ZNF728: variants seen among roughly 807,000 people sequenced by gnomAD.
ZNF728 encodes the protein zinc finger protein 728.
A neutral mutation model predicts 12.5 loss-of-function variants in ZNF728; 12 were observed. The observed-to-expected ratio is 0.96, with a 90% CI of 0.61 to 1.55. The LOEUF is 1.55. ZNF728 is among the 40% of genes most tolerant of loss of function. The probability of loss-of-function intolerance (pLI) is 0.00; values close to 1 mark genes in which losing one functional copy is unlikely to be tolerated. For synonymous variants in ZNF728, 205 were observed against 240.7 expected (o/e 0.85, Z 1.37); for missense variants, 692 against 719.2 (o/e 0.96, Z 0.43).
intron 3 of ZNF728, among the ~76,000 whole-genome samples, 173 bp from the exon 4 acceptor site, chr19:22,977,283 A>G (rs1968817449): frequency 6.6e-6 from 1 of 152,216 alleles, no homozygotes; most frequent in Non-Finnish European, 1.5e-5. Flanking sequence ...CAAAATACAT[A>G]TGTAGATAAT....
intron 1 of ZNF728, among the ~76,000 whole-genome samples, chr19:22,992,158 T>C (rs1968995522): frequency 6.6e-6 from 1 of 152,214 alleles, no homozygotes; most frequent in East Asian, 1.9e-4. Context: ...CCATATGATG[T>C]ATAATTCAAC....
intron 1 of ZNF728, among the ~76,000 whole-genome samples, chr19:22,998,429 C>T (rs1969072262): frequency 6.6e-6 from 1 of 151,896 alleles, no homozygotes; most frequent in Non-Finnish European, 1.5e-5. Flanking sequence ...ACTTGGGAAG[C>T]TTAAGTAGAA....
chr19:22,978,570 C>A (rs1221525855), intron 3 of ZNF728, among the ~76,000 whole-genome samples: 6 of 152,190 alleles, frequency 3.9e-5, no homozygotes, highest in Non-Finnish European at 7.3e-5. Context: ...TTGGGAGGCA[C>A]CTCCCAGTAG....
chr19:22,992,686 G>A (rs1466690331), intron 1 of ZNF728, among the ~76,000 whole-genome samples: 1 of 152,038 alleles, frequency 6.6e-6, no homozygotes, highest in African/African-American at 2.4e-5. Context: ...TCTCTTCTGG[G>A]TACCAACCAA....
intron 1 of ZNF728, among the ~76,000 whole-genome samples, chr19:23,000,865 C>CAAAAAAAAAAAAA (rs879559395): frequency 3.1e-5 from 1 of 32,594 alleles, no homozygotes; most frequent in Non-Finnish European, 7.2e-5. Flanking sequence ...AAAACACTGT[C>CAAAAAAAAAAAAA]AAAAAAAAAA....
chr19:22,991,051 G>A (rs1968982001), intron 1 of ZNF728, among the ~76,000 whole-genome samples: 1 of 151,990 alleles, frequency 6.6e-6, no homozygotes, highest in African/African-American at 2.4e-5. Flanking sequence ...GCACAACACA[G>A]AGTCCCTTAC....
intron 1 of ZNF728, among the ~76,000 whole-genome samples, chr19:22,998,425 G>A (rs1294703424): frequency 6.6e-6 from 1 of 152,042 alleles, no homozygotes. Flanking sequence ...AGCTACTTGG[G>A]AAGCTTAAGT....
Position 23,003,078 on chromosome 19 carries a change from AC to A in ZNF728, c.-49del. 6.4e-7 allele frequency: 1 copy of A among 1,563,566 alleles called. No individual in the cohort carries two copies. The highest frequency in any genetic ancestry group is 8.7e-7 in the Non-Finnish European group (1 of 1,155,446). ...GCGACTTAGTTGTGAATCTCCCAAT[AC>A]CTGCAGGTCACAGGGCCATAGAAGC... On this transcript the variant is annotated 5_prime_UTR_variant, in exon 1 of 4. Transcript: ENST00000594710.
At chr19:22,987,832 C>T (rs181893102) in intron 2 of ZNF728, among the ~76,000 whole-genome samples, 1 of 152,212 alleles carries the variant, frequency 6.6e-6, no homozygotes, top group Admixed American at 6.5e-5. Flanking sequence ...AGAAATTATA[C>T]AAAAGAGAAA....
At chr19:22,980,228 A>G (rs1968848246) in intron 3 of ZNF728, among the ~76,000 whole-genome samples, 1 of 151,424 alleles carries the variant, frequency 6.6e-6, no homozygotes, top group South Asian at 2.1e-4. Flanking sequence ...AGGGGTTGCA[A>G]TCCTAGTCTC....
chr19:22,993,672 G>C lies in ZNF728; in HGVS notation c.4-5221C>G, dbSNP rs750783908. Among the ~76,000 whole-genome samples, 200 of 152,246 alleles carry C rather than the reference G, an allele frequency of 1.3e-3. 3 individuals are homozygous for C. The highest frequency in any genetic ancestry group is 1.4e-3 in the Non-Finnish European group (96 of 68,016). On this transcript the variant is annotated intron_variant, in intron 1 of 3. Coordinates refer to ENST00000594710, the MANE Select transcript of ZNF728 (RefSeq NM_001267716.2). ...TGCGAGAAATTCTTATTTATGTAAAGAAATAACTTTAATAATTAATTGGAT... is the reference window on the plus strand; with the variant it reads ...TGCGAGAAATTCTTATTTATGTAAACAAATAACTTTAATAATTAATTGGAT...
chr19:23,001,859 C>A (rs995666441), intron 1 of ZNF728, among the ~76,000 whole-genome samples: 2 of 152,064 alleles, frequency 1.3e-5, no homozygotes, highest in African/African-American at 4.8e-5. Flanking sequence ...TACTGCAAGC[C>A]AGAGTCAGGC....
chr19:22,975,921 T>G lies in ZNF728; in HGVS notation c.1416A>C (p.Ala472=), dbSNP rs773579488. 3 of 1,606,552 alleles carry G rather than the reference T, an allele frequency of 1.9e-6. No individual in the cohort carries two copies. In the South Asian group the frequency reaches 3.3e-5, roughly 18 times the overall value. The part of the protein sequence containing the change: ...SWSSSLTTHK[A]IHAGEKLYKC... ...TGTAGAGTTTCTCTCCAGCATGAAT[T>G]GCCTTATGTGTAGTAAGGCTTGAGG... Residue 472 remains alanine (A), a synonymous_variant, in exon 4 of 4, where the codon GCA becomes GCC. Coordinates refer to ENST00000594710, the MANE Select transcript of ZNF728 (RefSeq NM_001267716.2).
chr19:22,978,686 G>T (rs1189634873), intron 3 of ZNF728, among the ~76,000 whole-genome samples: 1 of 152,200 alleles, frequency 6.6e-6, no homozygotes, highest in Admixed American at 6.5e-5. Flanking sequence ...TTGCTGTTCT[G>T]TAGCCTCAGC....
At chr19:22,990,204 G>A (rs1014416675) in intron 1 of ZNF728, among the ~76,000 whole-genome samples, 1 of 151,888 alleles carries the variant, frequency 6.6e-6, no homozygotes, top group Non-Finnish European at 1.5e-5. Flanking sequence ...CTAAATGTAT[G>A]TTTCCTGGAG....
intron 3 of ZNF728, among the ~76,000 whole-genome samples, chr19:22,983,470 T>C (rs1477223066): frequency 2.0e-5 from 3 of 152,196 alleles, no homozygotes; most frequent in African/African-American, 7.2e-5. Flanking sequence ...GATCTAGAAC[T>C]AGAAATACCA....
At chr19:22,992,558 T>G (rs1310486702) in intron 1 of ZNF728, among the ~76,000 whole-genome samples, 1 of 152,156 alleles carries the variant, frequency 6.6e-6, no homozygotes, top group East Asian at 1.9e-4. Context: ...CATCTATTTT[T>G]TTTTTATGAC....
intron 3 of ZNF728, among the ~76,000 whole-genome samples, chr19:22,986,077 AG>A (rs1968913377): frequency 6.6e-6 from 1 of 152,196 alleles, no homozygotes; most frequent in Non-Finnish European, 1.5e-5. Context: ...CTTGTGACCA[AG>A]CTACAACCCC....
chr19:22,986,108 G>A (rs1968914028), intron 3 of ZNF728, among the ~76,000 whole-genome samples: 1 of 152,134 alleles, frequency 6.6e-6, no homozygotes, highest in Non-Finnish European at 1.5e-5. Context: ...CAAACCCAGA[G>A]GGCATTCTAT....
Sources: gnomAD v4.1 joint callset for allele counts (sites outside exome capture counted in the v4.1 genomes callset) on GRCh38, gnomAD v4.1.1 for gene constraint, MANE v1.5 for transcripts, NCBI Gene and HGNC (gene_info 2026-07-23, HGNC 2026-07-21) for gene names.